The following GPR89B variants were observed in gnomAD, a reference collection of about 807,000 sequenced individuals.
GPR89B encodes the protein golgi pH regulator B.
Under a neutral mutation model 52.4 loss-of-function variants are expected in GPR89B, and 25 were observed. The ratio of observed to expected loss-of-function variants is 0.48; its 90% CI spans 0.35 to 0.67. GPR89B has a LOEUF of 0.67. Among genes scored for constraint, GPR89B ranks in the 30% least tolerant of loss-of-function variants. GPR89B has a pLI of 0.01. For missense variants in GPR89B, 146 were observed against 450.2 expected (o/e 0.32, Z 6.11); for synonymous variants, 52 against 151.2 (o/e 0.34, Z 4.81).
the GPR89B span, among the ~76,000 whole-genome samples, chr1:148,002,889 T>C: frequency 6.6e-6 from 1 of 152,206 alleles, no homozygotes; most frequent in East Asian, 1.9e-4. Context: ...AATCTATTCA[T>C]GTTACAAAGC....
chr1:147,987,173 T>C (rs1490411152), intron 11 of GPR89B, among the ~76,000 whole-genome samples: 1,708 of 152,300 alleles, frequency 0.011, 20 homozygotes, highest in Middle Eastern at 0.027. Context: ...GTATCCTCTT[T>C]GAGTGTGAAG....
intron 2 of GPR89B, 82 bp from the exon 3 acceptor site, chr1:147,938,632 T>C (rs1311835284): frequency 6.2e-7 from 1 of 1,608,406 alleles, no homozygotes; most frequent in Admixed American, 1.7e-5. Context: ...AAATAAGTTT[T>C]CTGCCTTGTA....
chr1:148,016,912 T>C, the GPR89B span, among the ~76,000 whole-genome samples: 2 of 151,772 alleles, frequency 1.3e-5, no homozygotes, highest in South Asian at 4.2e-4. Flanking sequence ...CATGGTTCCA[T>C]ATTCCCTGAT....
At chr1:147,995,615 G>A (rs1172725968), downstream of GPR89B, 44 of 1,608,788 alleles carry the variant, frequency 2.7e-5, 2 homozygotes, top group South Asian at 5.5e-5. Context: ...TGCCATGTGC[G>A]AGTCATGCTT....
chr1:148,006,883 A>G, the GPR89B span, among the ~76,000 whole-genome samples: 1 of 149,528 alleles, frequency 6.7e-6, no homozygotes, highest in Admixed American at 6.7e-5. Flanking sequence ...CGCCTGGCTA[A>G]TTTTTGTATT....
chr1:148,025,120 C>G, the GPR89B span, among the ~76,000 whole-genome samples: 1 of 151,880 alleles, frequency 6.6e-6, no homozygotes, highest in Non-Finnish European at 1.5e-5. Flanking sequence ...AATAGGATTT[C>G]CATGAAATTG....
chr1:147,978,697 G>T (rs1354940953), intron 10 of GPR89B, among the ~76,000 whole-genome samples: 2 of 151,776 alleles, frequency 1.3e-5, no homozygotes, highest in African/African-American at 2.4e-5. Context: ...CTGCAGGGAG[G>T]CCTCGCCTAG....
At chr1:147,986,758 T>C (rs1658697836) in intron 11 of GPR89B, among the ~76,000 whole-genome samples, 1 of 151,548 alleles carries the variant, frequency 6.6e-6, no homozygotes, top group Non-Finnish European at 1.5e-5. Context: ...TAAGAAATGA[T>C]CTTTATCTAT....
the GPR89B span, among the ~76,000 whole-genome samples, chr1:148,025,413 A>T: frequency 2.7e-5 from 4 of 148,504 alleles, no homozygotes; most frequent in African/African-American, 1.0e-4. Flanking sequence ...ATCCCAGCAC[A>T]TTGGGAGGCC....
intron 5 of GPR89B, among the ~76,000 whole-genome samples, chr1:147,949,059 G>C (rs1221493498): frequency 1.3e-5 from 2 of 152,086 alleles, no homozygotes; most frequent in African/African-American, 2.4e-5. Context: ...ACATGTTTCA[G>C]AGAGCACAGG....
chr1:147,948,873 A>G (rs2149050362), intron 5 of GPR89B, among the ~76,000 whole-genome samples: 1 of 151,698 alleles, frequency 6.6e-6, no homozygotes, highest in African/African-American at 2.4e-5. Context: ...AAGTGAACAA[A>G]GGTCTCTGGT....
downstream of GPR89B, among the ~76,000 whole-genome samples, chr1:147,997,473 G>GC (rs1200537668): frequency 9.9e-5 from 15 of 152,034 alleles, no homozygotes; most frequent in South Asian, 2.1e-4. Flanking sequence ...TACAGCCGCA[G>GC]CCCCCCAGAT....
chr1:147,959,569 G>T, intron 7 of GPR89B, among the ~76,000 whole-genome samples: 1 of 151,884 alleles, frequency 6.6e-6, no homozygotes, highest in South Asian at 2.1e-4. Flanking sequence ...ACCCACTCAA[G>T]TGTACAGATT....
intron 7 of GPR89B, among the ~76,000 whole-genome samples, chr1:147,965,877 C>T (rs1172860364): frequency 4.0e-5 from 6 of 151,704 alleles, no homozygotes; most frequent in Non-Finnish European, 8.8e-5. Flanking sequence ...GATGGAGTCT[C>T]ACTCTGTCAC....
chr1:148,005,833 C>T, the GPR89B span, among the ~76,000 whole-genome samples: 1 of 151,926 alleles, frequency 6.6e-6, no homozygotes, highest in African/African-American at 2.4e-5. Context: ...CTGTCCAAGA[C>T]CATGCTTCTG....
chr1:148,018,997 A>T, the GPR89B span, among the ~76,000 whole-genome samples: 1 of 150,926 alleles, frequency 6.6e-6, no homozygotes, highest in Admixed American at 6.6e-5. Context: ...CATTATTTTG[A>T]GACAGAGTCT....
chr1:147,999,717 C>G, the GPR89B span, among the ~76,000 whole-genome samples: 1 of 151,270 alleles, frequency 6.6e-6, no homozygotes, highest in African/African-American at 2.5e-5. Flanking sequence ...TCCAAAACCT[C>G]TTCCCTGGTT....
intron 10 of GPR89B, among the ~76,000 whole-genome samples, chr1:147,971,301 C>T (rs1398823504): frequency 1.3e-5 from 2 of 151,422 alleles, no homozygotes; most frequent in South Asian, 2.1e-4. Context: ...AAGCACGCAC[C>T]GCCACGCCCA....
intron 12 of GPR89B, among the ~76,000 whole-genome samples, chr1:147,990,152 C>A (rs1207432644): frequency 6.6e-6 from 1 of 152,178 alleles, no homozygotes; most frequent in Non-Finnish European, 1.5e-5. Context: ...TAATGATCAC[C>A]ATTCTAACTG....
Sources: gnomAD v4.1 joint callset for allele counts (sites outside exome capture counted in the v4.1 genomes callset) on GRCh38, gnomAD v4.1.1 for gene constraint, MANE v1.5 for transcripts, NCBI Gene and HGNC (gene_info 2026-07-23, HGNC 2026-07-21) for gene names.